CDK13: variants seen among roughly 807,000 people sequenced by gnomAD.
CDK13 encodes the protein cyclin-dependent kinase 13.
In CDK13, 40 loss-of-function variants were observed where a neutral mutation model predicts 137.6. The ratio of observed to expected loss-of-function variants is 0.29; its 90% CI spans 0.23 to 0.38. The LOEUF is 0.38. CDK13 is among the 10% of genes least tolerant of loss of function. CDK13 has a pLI of 1.00. For missense variants in CDK13, 1,704 were observed against 1,951.8 expected (o/e 0.87, Z 2.39); for synonymous variants, 869 against 760.1 (o/e 1.14, Z -2.36).
rs528130564 is a variant in CDK13, at chr7:40,074,761, C to G, written c.2781-3244C>G. Reference sequence around the variant, plus strand: ...ATTTGAGACCGGGAGGTCGAGGCTTCAGGGAGCTATGATTGCATCACTGAC... The same window carrying G: ...ATTTGAGACCGGGAGGTCGAGGCTTGAGGGAGCTATGATTGCATCACTGAC... On this transcript the variant is annotated intron_variant, in intron 9 of 13. Transcript: ENST00000181839. Among the ~76,000 whole-genome samples, 5 of 151,216 alleles carry G rather than the reference C, an allele frequency of 3.3e-5. No individual in the cohort carries two copies. The South Asian group carries it at 6.3e-4, about 19-fold the overall frequency.
chr7:40,069,437 G>T, intron 9 of CDK13: 1 of 374,536 alleles, frequency 2.7e-6, no homozygotes, highest in Non-Finnish European at 5.4e-6. Flanking sequence ...TACTTCCTGC[G>T]CTTATGGTTT....
intron 1 of CDK13, among the ~76,000 whole-genome samples, chr7:39,970,736 C>T (rs1279726200): frequency 6.6e-6 from 1 of 152,242 alleles, no homozygotes; most frequent in African/African-American, 2.4e-5. Context: ...GCTGGGATTA[C>T]AGGCATGAGC....
intron 1 of CDK13, among the ~76,000 whole-genome samples, chr7:39,983,159 C>T (rs1274012504): frequency 1.3e-5 from 2 of 152,116 alleles, no homozygotes; most frequent in African/African-American, 4.8e-5. Flanking sequence ...TTAGGTATAA[C>T]GTTTAAGTCT....
chr7:39,980,151 G>A (rs1258976684), intron 1 of CDK13, among the ~76,000 whole-genome samples: 2 of 152,174 alleles, frequency 1.3e-5, no homozygotes, highest in Non-Finnish European at 2.9e-5. Context: ...TAAGGGAATA[G>A]TATAGAGTTA....
intron 5 of CDK13, among the ~76,000 whole-genome samples, chr7:40,010,999 T>C (rs555009317): frequency 2.0e-5 from 3 of 152,064 alleles, no homozygotes; most frequent in Non-Finnish European, 4.4e-5. Flanking sequence ...TTGAAAGAAA[T>C]TGAAGACAAT....
At position 40,094,056 on chromosome 7, in the gene CDK13, G is replaced by A. The variant is rs970510509; in HGVS notation, c.3689-74G>A. The A allele has an allele frequency of 2.6e-6, 4 of 1,519,932 alleles. No individual in the cohort carries two copies. In the African/African-American group the frequency reaches 5.6e-5, roughly 21 times the overall value. The allele number at this position is 1,519,932 out of a possible 1,614,324, so 94.2% of individuals were successfully genotyped here. ...CTAATCATCTTTAGAACTACCTACA[G>A]GAAACACTGAGTATTTTGAATATTT... is the stretch of plus-strand genomic sequence containing the variant. On this transcript the variant is annotated intron_variant, in intron 13 of 13. Transcript: ENST00000181839.
At chr7:39,997,233 T>G (rs1248614971) in intron 2 of CDK13, among the ~76,000 whole-genome samples, 3 of 152,170 alleles carry the variant, frequency 2.0e-5, no homozygotes, top group African/African-American at 7.2e-5. Context: ...TCAATATTGA[T>G]ACAAAGTTAT....
At chr7:40,045,432 C>CTT (rs11362792) in intron 5 of CDK13, among the ~76,000 whole-genome samples, 3 of 130,792 alleles carry the variant, frequency 2.3e-5, no homozygotes, top group South Asian at 2.4e-4. Flanking sequence ...GGCCTGTACT[C>CTT]TTTTTTTTTT....
chr7:40,005,198 CATAAAT>C (rs1784772488), intron 5 of CDK13, among the ~76,000 whole-genome samples: 1 of 150,000 alleles, frequency 6.7e-6, no homozygotes, highest in Non-Finnish European at 1.5e-5. Flanking sequence ...AGGAAAACAT[CATAAAT>C]ATATTTTTTT....
chr7:40,003,991 G>A (rs2116336922), intron 5 of CDK13, among the ~76,000 whole-genome samples: 1 of 152,294 alleles, frequency 6.6e-6, no homozygotes, highest in Middle Eastern at 3.4e-3. Context: ...ATAATGGTTT[G>A]TTACTTGTTT....
At chr7:40,066,251 CAT>C (rs772481909) in intron 9 of CDK13, among the ~76,000 whole-genome samples, 3 of 152,212 alleles carry the variant, frequency 2.0e-5, no homozygotes, top group Non-Finnish European at 4.4e-5. Flanking sequence ...AATTATTACA[CAT>C]CTTTTAGAAA....
chr7:40,085,931 A>G (rs1371464836), intron 11 of CDK13, among the ~76,000 whole-genome samples: 2 of 152,170 alleles, frequency 1.3e-5, no homozygotes, highest in Non-Finnish European at 2.9e-5. Flanking sequence ...TGAAAATAAC[A>G]TACTGTAATC....
chr7:40,020,071 T>C (rs181734395), intron 5 of CDK13, among the ~76,000 whole-genome samples: 28 of 152,258 alleles, frequency 1.8e-4, no homozygotes, highest in Non-Finnish European at 3.4e-4. Flanking sequence ...CTTTCAACTT[T>C]ATTTTATTTT....
intron 13 of CDK13, 139 bp downstream of exon 13, chr7:40,093,376 G>C (rs2150547802): frequency 1.5e-6 from 1 of 655,102 alleles, no homozygotes; most frequent in East Asian, 2.7e-5. Context: ...GCAATAGGTT[G>C]GTTTTTCAGT....
chr7:39,981,338 C>T (rs1784218701), intron 1 of CDK13, among the ~76,000 whole-genome samples: 1 of 151,516 alleles, frequency 6.6e-6, no homozygotes, highest in South Asian at 2.1e-4. Flanking sequence ...CACTGCACTC[C>T]AGCCTGTGCG....
chr7:40,001,756 T>G, intron 4 of CDK13, 105 bp from the exon 5 acceptor site: 1 of 790,246 alleles, frequency 1.3e-6, no homozygotes, highest in South Asian at 1.5e-5. Flanking sequence ...GTGGTTCTAT[T>G]TTTGAGAAAT....
intron 7 of CDK13, among the ~76,000 whole-genome samples, chr7:40,059,461 G>A (rs1211646299): frequency 6.6e-6 from 1 of 152,236 alleles, no homozygotes; most frequent in African/African-American, 2.4e-5. Context: ...CAGGGTTTAA[G>A]CAATTCTCTG....
intron 1 of CDK13, among the ~76,000 whole-genome samples, chr7:39,979,199 T>C (rs908368226): frequency 6.1e-5 from 9 of 147,632 alleles, no homozygotes; most frequent in South Asian, 2.1e-4. Context: ...ACGTAGATTT[T>C]TTTCTTTCTT....
intron 5 of CDK13, among the ~76,000 whole-genome samples, chr7:40,003,198 A>ACTCTCTCTCT (rs1408905892): frequency 4.1e-4 from 37 of 89,412 alleles, no homozygotes; most frequent in African/African-American, 1.3e-3. Flanking sequence ...ACACACACAC[A>ACTCTCTCTCT]CACACACACT....
Sources: gnomAD v4.1 joint callset for allele counts (sites outside exome capture counted in the v4.1 genomes callset) on GRCh38, gnomAD v4.1.1 for gene constraint, MANE v1.5 for transcripts, NCBI Gene and HGNC (gene_info 2026-07-23, HGNC 2026-07-21) for gene names.